Variants in CTNNA3 observed in about 807,000 individuals in gnomAD.
The protein encoded by CTNNA3 is catenin alpha 3.
A neutral mutation model predicts 95.7 loss-of-function variants in CTNNA3; 76 were observed. That is an observed-to-expected ratio of 0.79 (90% CI 0.66 to 0.96). The LOEUF is 0.96. CTNNA3 is among the 40% of genes least tolerant of loss of function. The pLI, the probability that CTNNA3 is intolerant of heterozygous loss-of-function variation, is 0.00. For synonymous variants in CTNNA3, 431 were observed against 374.4 expected (o/e 1.15, Z -1.74); for missense variants, 1,191 against 1,089.8 (o/e 1.09, Z -1.31).
intron 15 of CTNNA3, among the ~76,000 whole-genome samples, chr10:66,023,590 TACA>T (rs981483104): frequency 2.7e-4 from 41 of 152,318 alleles, no homozygotes; most frequent in African/African-American, 4.3e-4. Flanking sequence ...CTATGAATGT[TACA>T]ACAAATTATA....
rs370890505 is a variant in CTNNA3 at position 66,306,079 on chromosome 10, A to C, written c.1733-25458T>G. Among the ~76,000 whole-genome samples the C allele has an allele frequency of 4.6e-5, 7 of 152,352 alleles. No individual in the cohort carries two copies. The South Asian group carries it at 1.0e-3, about 23-fold the overall frequency. ...TCCCACATTCCAAGCAAATAATAAA[A>C]AACTGTCACATACCTAAAGGGTTAG... On this transcript the variant is annotated intron_variant, in intron 12 of 17. Coordinates refer to ENST00000433211, the MANE Select transcript of CTNNA3 (RefSeq NM_013266.4).
intron 11 of CTNNA3, among the ~76,000 whole-genome samples, chr10:66,442,589 T>C (rs2093382925): frequency 6.6e-6 from 1 of 152,168 alleles, no homozygotes; most frequent in South Asian, 2.1e-4. Context: ...CAAAGAAAGT[T>C]GCATTGATGA....
intron 11 of CTNNA3, among the ~76,000 whole-genome samples, chr10:66,431,127 C>T (rs35346298): frequency 0.27 from 40,272 of 151,926 alleles, 5,493 homozygotes; most frequent in South Asian, 0.39. Flanking sequence ...TTTATGCAGC[C>T]TACAGACACA....
At chr10:66,663,524 G>A (rs1238038856) in intron 9 of CTNNA3, among the ~76,000 whole-genome samples, 1 of 148,728 alleles carries the variant, frequency 6.7e-6, no homozygotes, top group Non-Finnish European at 1.5e-5. Flanking sequence ...TTCCCACTTT[G>A]CTTTTCACCT....
intron 3 of CTNNA3, among the ~76,000 whole-genome samples, chr10:67,585,477 G>C (rs1215651601): frequency 6.6e-6 from 1 of 151,966 alleles, no homozygotes; most frequent in Non-Finnish European, 1.5e-5. Flanking sequence ...CTTTTCTTTT[G>C]GGGGAGTTTT....
chr10:66,692,451 A>AT (rs1214641500), intron 9 of CTNNA3, among the ~76,000 whole-genome samples: 1 of 152,180 alleles, frequency 6.6e-6, no homozygotes, highest in East Asian at 1.9e-4. Flanking sequence ...TCCAAGAAAT[A>AT]TGGGACTATG....
At chr10:66,683,006 G>A (rs1417436000) in intron 9 of CTNNA3, among the ~76,000 whole-genome samples, 4 of 152,090 alleles carry the variant, frequency 2.6e-5, no homozygotes, top group African/African-American at 7.2e-5. Context: ...AGATCTTAAC[G>A]TTGTACATAA....
chr10:66,048,767 A>T (rs1398496642), intron 15 of CTNNA3, among the ~76,000 whole-genome samples: 1 of 152,136 alleles, frequency 6.6e-6, no homozygotes, highest in Non-Finnish European at 1.5e-5. Context: ...TCTCAAAAAA[A>T]ACAGAAAACA....
chr10:67,632,312 TA>T (rs10638046), intron 2 of CTNNA3, among the ~76,000 whole-genome samples: 89 of 144,196 alleles, frequency 6.2e-4, no homozygotes, highest in South Asian at 1.1e-3. Flanking sequence ...TTAAATATAT[TA>T]AAAAAAAAAA....
chr10:67,562,033 G>A (rs540196163), intron 3 of CTNNA3, among the ~76,000 whole-genome samples: 4 of 152,278 alleles, frequency 2.6e-5, no homozygotes, highest in Admixed American at 1.3e-4. Flanking sequence ...GGACCAGATG[G>A]ATTCACAGCC....
intron 13 of CTNNA3, among the ~76,000 whole-genome samples, chr10:66,133,291 G>A (rs991638346): frequency 6.6e-6 from 1 of 152,104 alleles, no homozygotes; most frequent in African/African-American, 2.4e-5. Flanking sequence ...AAGACAGGTG[G>A]ATTACTTGAG....
intron 5 of CTNNA3, among the ~76,000 whole-genome samples, chr10:67,365,883 C>T (rs1843195275): frequency 6.6e-6 from 1 of 152,172 alleles, no homozygotes; most frequent in Non-Finnish European, 1.5e-5. Context: ...TGGGTATATA[C>T]CCAAAGGATT....
chr10:67,621,393 G>A (rs1172141988), intron 2 of CTNNA3, among the ~76,000 whole-genome samples: 2 of 152,128 alleles, frequency 1.3e-5, no homozygotes, highest in Non-Finnish European at 2.9e-5. Context: ...TCAATTGTGT[G>A]TGAGATAATG....
At chr10:66,003,674 T>G (rs1467264968) in intron 15 of CTNNA3, among the ~76,000 whole-genome samples, 1 of 152,224 alleles carries the variant, frequency 6.6e-6, no homozygotes, top group Non-Finnish European at 1.5e-5. Flanking sequence ...TTGTCTTTAG[T>G]AAAACAGACT....
At chr10:66,970,506 G>A (rs1328402837) in intron 7 of CTNNA3, among the ~76,000 whole-genome samples, 1 of 143,394 alleles carries the variant, frequency 7.0e-6, no homozygotes, top group Non-Finnish European at 1.5e-5. Flanking sequence ...CTTGGGTGGG[G>A]GGGGGATACA....
At position 66,621,683 on chromosome 10, in the gene CTNNA3, T is replaced by C. The variant is rs1472829479; in HGVS notation, c.1374+9A>G. 2.0e-6 allele frequency: 3 copies of C among 1,529,120 alleles called. No homozygotes were observed. Among genetic ancestry groups the C allele is most frequent in the Non-Finnish European group, 2.7e-6 (3 of 1,113,776 alleles). The allele number at this position is 1,529,120 out of a possible 1,614,324, so 94.7% of individuals were successfully genotyped here. A position where few individuals can be genotyped will look rare whatever the true frequency, so the allele number is the denominator to read the frequency against. On this transcript the variant is annotated intron_variant, in intron 10 of 17. Transcript: ENST00000433211. ...ATTTTACACACAAAAAGTAACTTAG[T>C]TGTCATACCTGTGGACACAAGGTTT...
intron 2 of CTNNA3, among the ~76,000 whole-genome samples, chr10:67,644,438 A>T (rs568476000): frequency 6.6e-6 from 1 of 152,206 alleles, no homozygotes; most frequent in East Asian, 1.9e-4. Context: ...ATAAAAATAA[A>T]CACTTTTTGA....
chr10:66,867,096 C>T (rs536313549), intron 7 of CTNNA3, among the ~76,000 whole-genome samples: 2 of 150,736 alleles, frequency 1.3e-5, no homozygotes, highest in South Asian at 2.1e-4. Context: ...TCCCTGGCCA[C>T]GTGGAACTGT....
chr10:66,762,932 T>G (rs1192533014), intron 9 of CTNNA3, among the ~76,000 whole-genome samples: 1 of 152,044 alleles, frequency 6.6e-6, no homozygotes, highest in Non-Finnish European at 1.5e-5. Flanking sequence ...CAAACATGGT[T>G]GAGGTATCAA....
Sources: gnomAD v4.1 joint callset for allele counts (sites outside exome capture counted in the v4.1 genomes callset) on GRCh38, gnomAD v4.1.1 for gene constraint, MANE v1.5 for transcripts, NCBI Gene and HGNC (gene_info 2026-07-23, HGNC 2026-07-21) for gene names.